The following DNAH8 variants were observed in gnomAD, a reference collection of about 807,000 sequenced individuals.
The protein encoded by DNAH8 is dynein axonemal heavy chain 8.
A neutral mutation model predicts 562.1 loss-of-function variants in DNAH8; 382 were observed. The observed-to-expected ratio is 0.68, with a 90% CI of 0.63 to 0.74. DNAH8 has a LOEUF of 0.74. DNAH8 is among the 30% of genes least tolerant of loss of function. DNAH8 has a pLI of 0.00. For synonymous variants in DNAH8, 1,881 were observed against 1,919.4 expected (o/e 0.98, Z 0.52); for missense variants, 5,203 against 5,620.4 (o/e 0.93, Z 2.37).
intron 56 of DNAH8, among the ~76,000 whole-genome samples, chr6:38,885,830 C>G (rs564232184): frequency 2.6e-5 from 4 of 152,192 alleles, no homozygotes; most frequent in African/African-American, 9.7e-5. Context: ...CTCCTATATT[C>G]TACAAAAGTC....
intron 10 of DNAH8, among the ~76,000 whole-genome samples, chr6:38,761,369 A>G (rs1766496272): frequency 6.8e-6 from 1 of 146,256 alleles, no homozygotes; most frequent in Non-Finnish European, 1.5e-5. Context: ...TTTTGTACCA[A>G]TTGATGGTCA....
chr6:38,911,383 C>A, intron 65 of DNAH8, 85 bp from the exon 66 acceptor site: 1 of 981,728 alleles, frequency 1.0e-6, no homozygotes, highest in Non-Finnish European at 1.6e-6. Flanking sequence ...TCTACATGAT[C>A]ACACTGATTT....
chr6:38,891,423 T>C (rs1209840931), intron 58 of DNAH8, among the ~76,000 whole-genome samples: 1 of 152,250 alleles, frequency 6.6e-6, no homozygotes, highest in Non-Finnish European at 1.5e-5. Flanking sequence ...CGTAATTCAC[T>C]ACACATCCAT....
intron 70 of DNAH8, among the ~76,000 whole-genome samples, chr6:38,919,958 G>A (rs994726388): frequency 2.0e-5 from 3 of 152,056 alleles, no homozygotes; most frequent in African/African-American, 7.2e-5. Flanking sequence ...TTAGAGAAAA[G>A]CAGCAGAATT....
Position 38,807,661 on chromosome 6 carries a change from C to A in DNAH8, c.3202C>A (p.Gln1068Lys). 6.4e-7 allele frequency: 1 copy of A among 1,564,778 alleles called. No homozygotes were observed. The highest frequency in any genetic ancestry group is 1.3e-5 in the South Asian group (1 of 78,568). Reference sequence around the variant, plus strand: ...CTCTCATCAATTACTAGACAGTCTTCAAAAAGCTACACGGTTATCTCTGGA... The same window carrying A: ...CTCTCATCAATTACTAGACAGTCTTAAAAAAGCTACACGGTTATCTCTGGA... ...FFSHQLLDSLQKATRLSLDTM... is the reference protein window; with the variant it reads ...FFSHQLLDSLKKATRLSLDTM... The change falls in exon 24 of 93, where the codon CAA becomes AAA. Residue 1068 changes from glutamine (Q) to lysine (K), a missense_variant. Physicochemically the swap from Gln to Lys is moderately conservative, Grantham distance 53 (BLOSUM62 1). This residue lies in a region of DNAH8 where 2,176 missense variants were observed against 2,365.1 expected (regional missense o/e 0.92). Transcript: ENST00000327475.
At chr6:38,858,792 A>G (rs1011992959) in intron 42 of DNAH8, among the ~76,000 whole-genome samples, 1 of 152,212 alleles carries the variant, frequency 6.6e-6, no homozygotes, top group African/African-American at 2.4e-5. Flanking sequence ...TGCAGTTACT[A>G]TTATACTTTG....
intron 91 of DNAH8, among the ~76,000 whole-genome samples, chr6:39,017,763 A>G (rs1479448584): frequency 6.6e-6 from 1 of 152,178 alleles, no homozygotes; most frequent in African/African-American, 2.4e-5. Flanking sequence ...GATCAAAGAG[A>G]TGGATCATTT....
At chr6:38,994,581 A>G (rs1472357200) in intron 88 of DNAH8, among the ~76,000 whole-genome samples, 1 of 151,030 alleles carries the variant, frequency 6.6e-6, no homozygotes, top group Non-Finnish European at 1.5e-5. Flanking sequence ...CCTATTAGGT[A>G]TAAGTATGGA....
chr6:38,743,913 A>T (rs1279511441), intron 8 of DNAH8, among the ~76,000 whole-genome samples: 1 of 152,184 alleles, frequency 6.6e-6, no homozygotes, highest in Admixed American at 6.5e-5. Flanking sequence ...TCTGGGTCAC[A>T]TGTTAACTCT....
intron 88 of DNAH8, among the ~76,000 whole-genome samples, chr6:38,994,649 CTTT>C (rs5875650): frequency 2.4e-4 from 29 of 119,724 alleles, no homozygotes; most frequent in Non-Finnish European, 3.0e-4. Context: ...CTTTTTTTTT[CTTT>C]TTTTTTTTTT....
intron 88 of DNAH8, among the ~76,000 whole-genome samples, chr6:38,990,808 C>G (rs746978750): frequency 9.2e-5 from 14 of 152,228 alleles, no homozygotes; most frequent in Non-Finnish European, 1.6e-4. Context: ...TTCCAAGCCC[C>G]TTGGCATGAG....
At chr6:38,989,605 T>C (rs1764642229) in intron 87 of DNAH8, among the ~76,000 whole-genome samples, 2 of 152,174 alleles carry the variant, frequency 1.3e-5, no homozygotes, top group African/African-American at 4.8e-5. Context: ...ATCCTTCTGG[T>C]ATGAGCCCCA....
intron 21 of DNAH8, among the ~76,000 whole-genome samples, chr6:38,797,916 C>T (rs930603002): frequency 3.3e-5 from 5 of 152,016 alleles, no homozygotes; most frequent in Non-Finnish European, 5.9e-5. Flanking sequence ...GCAGCTGCCA[C>T]GCCAATTCTT....
intron 3 of DNAH8, 73 bp from the exon 4 acceptor site, chr6:38,729,816 CTCTTTGAGCTTCA>C: frequency 1.4e-6 from 1 of 719,950 alleles, no homozygotes; most frequent in East Asian, 2.7e-5. Context: ...TTTGAATAAA[CTCTTTGAGCTTCA>C]TCTTCTTCAT....
rs1561989621 is a variant in DNAH8, at chr6:39,026,526, CTCT to C, written c.13715-15_13715-13del. On this transcript the variant is annotated splice_polypyrimidine_tract_variant and intron_variant, in intron 91 of 92. Coordinates refer to ENST00000327475, the MANE Select transcript of DNAH8 (RefSeq NM_001206927.2). ...GCAGATTGCAACAAGGCTTCAACATCTCTTCTTTTTTTCTTTAAGGCTTCCTCA... is the reference window on the plus strand; with the variant it reads ...GCAGATTGCAACAAGGCTTCAACATCTCTTTTTTTCTTTAAGGCTTCCTCA... The C allele has an allele frequency of 1.3e-6, 2 of 1,595,874 alleles. No homozygotes were observed. The highest frequency in any genetic ancestry group is 4.5e-5 in the East Asian group (2 of 44,614).
At chr6:39,029,533 A>G (rs960433339) in intron 92 of DNAH8, among the ~76,000 whole-genome samples, 1 of 152,166 alleles carries the variant, frequency 6.6e-6, no homozygotes, top group Non-Finnish European at 1.5e-5. Flanking sequence ...GGTAGGGCCT[A>G]TTGTATGAGA....
chr6:38,915,844 A>C lies in DNAH8; in HGVS notation c.10140+467A>C, dbSNP rs917822707. Among the ~76,000 whole-genome samples, 6 of 101,126 alleles carry C rather than the reference A, an allele frequency of 5.9e-5. No individual in the cohort carries two copies. The East Asian group carries it at 4.3e-3, about 72-fold the overall frequency. 66.3% of individuals were successfully genotyped at this position (101,126 alleles called of 152,430 possible). ...CAACCTCTATATATAATACACACAC[A>C]CACACACATACACACACACACACAT... is the stretch of plus-strand genomic sequence containing the variant. On this transcript the variant is annotated intron_variant, in intron 68 of 92. Coordinates refer to ENST00000327475, the MANE Select transcript of DNAH8 (RefSeq NM_001206927.2).
intron 88 of DNAH8, among the ~76,000 whole-genome samples, chr6:38,994,007 T>C (rs1764964593): frequency 6.6e-6 from 1 of 152,216 alleles, no homozygotes; most frequent in Admixed American, 6.5e-5. Context: ...AGGGTTATAC[T>C]GTTTTGTACT....
chr6:38,727,015 A>G (rs1170839109), intron 3 of DNAH8, among the ~76,000 whole-genome samples: 2 of 151,566 alleles, frequency 1.3e-5, no homozygotes, highest in African/African-American at 4.9e-5. Context: ...GTGCCACCAC[A>G]CCCGGCTAAT....
Sources: allele counts gnomAD v4.1 joint callset (sites outside exome capture counted in the v4.1 genomes callset), GRCh38; gene constraint gnomAD v4.1.1; regional missense constraint gnomAD v4.1.1; transcripts MANE v1.5; gene names NCBI Gene and HGNC (gene_info 2026-07-23, HGNC 2026-07-21).